KALRN: variants seen among roughly 807,000 people sequenced by gnomAD.
The protein encoded by KALRN is kalirin RhoGEF kinase.
A neutral mutation model predicts 353.7 loss-of-function variants in KALRN; 70 were observed. The ratio of observed to expected loss-of-function variants is 0.20; its 90% CI spans 0.16 to 0.24. The LOEUF (loss-of-function observed/expected upper bound fraction) is 0.24. Among genes scored for constraint, KALRN ranks in the 10% least tolerant of loss-of-function variants. The pLI, the probability that KALRN is intolerant of heterozygous loss-of-function variation, is 1.00. For synonymous variants in KALRN, 1,391 were observed against 1,434.8 expected (o/e 0.97, Z 0.69); for missense variants, 2,791 against 3,756.7 (o/e 0.74, Z 6.72).
chr3:124,412,322 T>C (rs1460761423), intron 13 of KALRN, among the ~76,000 whole-genome samples: 1 of 152,120 alleles, frequency 6.6e-6, no homozygotes, highest in East Asian at 1.9e-4. Flanking sequence ...ACCACTCAAC[T>C]AAGGCTCTGG....
At chr3:124,282,484 TCTC>T (rs781303386) in intron 5 of KALRN, among the ~76,000 whole-genome samples, 57 of 151,844 alleles carry the variant, frequency 3.8e-4, no homozygotes, top group Non-Finnish European at 7.2e-4. Flanking sequence ...TTCAAGTGAT[TCTC>T]CTGCCTCAGC....
chr3:124,661,000 T>C, intron 44 of KALRN, 27 bp downstream of exon 44: 6 of 1,532,324 alleles, frequency 3.9e-6, no homozygotes, highest in Non-Finnish European at 5.4e-6. Context: ...TAATGCTTGC[T>C]GTTCTTAGGG....
At chr3:124,413,715 A>G (rs1384996239) in intron 14 of KALRN, 50 bp downstream of exon 14, 1 of 1,472,196 alleles carries the variant, frequency 6.8e-7, no homozygotes, top group African/African-American at 1.4e-5. Flanking sequence ...GAAAACAAGC[A>G]TACCATCTAG....
Position 124,712,939 on chromosome 3 carries a change from C to T in KALRN, c.8080C>T (p.Arg2694Cys), listed in dbSNP as rs1303706054. The change falls in exon 58 of 60, where the codon CGT (arginine) becomes TGT (cysteine). Residue 2694 changes from arginine to cysteine, a missense_variant. Physicochemically the swap from Arg to Cys is radical, Grantham distance 180. This residue lies in a region of KALRN where 188 missense variants were observed against 402.9 expected (regional missense o/e 0.47). Coordinates refer to ENST00000682506, the MANE Select transcript of KALRN (RefSeq NM_001388419.1). Reference protein sequence around the residue: ...YTELNEIGRGRFSIVKKCIHK... With the variant: ...YTELNEIGRGCFSIVKKCIHK... ...CTCTCCCTTTTGTTTTTCCAGAGGCCGTTTCTCTATAGTAAAGAAATGCAT... is the reference window on the plus strand; with the variant it reads ...CTCTCCCTTTTGTTTTTCCAGAGGCTGTTTCTCTATAGTAAAGAAATGCAT... The T allele has an allele frequency of 1.2e-6, 2 of 1,610,446 alleles. No individual in the cohort carries two copies. Among genetic ancestry groups the T allele is most frequent in the Admixed American group, 1.7e-5 (1 of 59,570 alleles).
At chr3:124,299,017 A>G in intron 6 of KALRN, 104 bp downstream of exon 6, 1 of 1,442,880 alleles carries the variant, frequency 6.9e-7, no homozygotes, top group Non-Finnish European at 9.6e-7. Flanking sequence ...AGAACTGTGA[A>G]CATGCTGACC....
intron 34 of KALRN, among the ~76,000 whole-genome samples, chr3:124,627,441 A>G (rs1172942964): frequency 6.6e-6 from 1 of 152,250 alleles, no homozygotes; most frequent in African/African-American, 2.4e-5. Context: ...GGGAAGAGGA[A>G]TGGTCATTCA....
chr3:124,199,312 A>C lies in KALRN; in HGVS notation c.74-28678A>C, dbSNP rs1027797798. ...TCTCACACACTCCACACCACCCCAG[A>C]AATGCAGAAAGATCTTTCCCAATGC... On this transcript the variant is annotated intron_variant, in intron 1 of 59. Transcript: ENST00000682506. Among the ~76,000 whole-genome samples, 19 of 152,246 alleles carry C rather than the reference A, an allele frequency of 1.2e-4. No individual in the cohort carries two copies. The East Asian group carries it at 3.7e-3, about 29-fold the overall frequency.
chr3:124,217,692 C>T (rs983086779), intron 1 of KALRN, among the ~76,000 whole-genome samples: 1 of 152,106 alleles, frequency 6.6e-6, no homozygotes, highest in African/African-American at 2.4e-5. Flanking sequence ...AGCAGCCACT[C>T]CAAGTAGCAA....
intron 3 of KALRN, among the ~76,000 whole-genome samples, chr3:124,264,139 C>G (rs1042950270): frequency 6.6e-6 from 1 of 151,728 alleles, no homozygotes; most frequent in African/African-American, 2.4e-5. Context: ...ATCCAAACTC[C>G]GAAATGCTGC....
intron 1 of KALRN, among the ~76,000 whole-genome samples, chr3:124,187,739 TAA>T (rs1560181283): frequency 6.6e-6 from 1 of 152,168 alleles, no homozygotes; most frequent in Non-Finnish European, 1.5e-5. Context: ...ACAGGCCAAT[TAA>T]GTCTACAATG....
At chr3:124,685,442 A>G (rs1015083240) in intron 51 of KALRN, among the ~76,000 whole-genome samples, 1 of 152,200 alleles carries the variant, frequency 6.6e-6, no homozygotes, top group Non-Finnish European at 1.5e-5. Context: ...AAACATGTTC[A>G]GGGAGGTCAA....
At chr3:124,261,879 A>G (rs746059725) in intron 3 of KALRN, among the ~76,000 whole-genome samples, 3 of 152,226 alleles carry the variant, frequency 2.0e-5, no homozygotes, top group Non-Finnish European at 4.4e-5. Flanking sequence ...ATGCTCAGTG[A>G]GAAAACTCCT....
chr3:124,363,556 A>G (rs1368062703), intron 10 of KALRN, among the ~76,000 whole-genome samples: 4 of 152,224 alleles, frequency 2.6e-5, no homozygotes, highest in African/African-American at 9.6e-5. Flanking sequence ...AATTGCCATC[A>G]TTATTTTTCA....
chr3:124,644,688 G>A (rs753915712), intron 37 of KALRN, among the ~76,000 whole-genome samples: 2 of 152,120 alleles, frequency 1.3e-5, no homozygotes, highest in Non-Finnish European at 2.9e-5. Context: ...AGTATTCCAT[G>A]GTGTATATGT....
chr3:124,290,594 G>A (rs2076333130), intron 5 of KALRN, among the ~76,000 whole-genome samples: 1 of 152,080 alleles, frequency 6.6e-6, no homozygotes, highest in South Asian at 2.1e-4. Flanking sequence ...AGACCTCCTG[G>A]GTTTGAAACC....
intron 34 of KALRN, among the ~76,000 whole-genome samples, chr3:124,623,425 C>A (rs140100523): frequency 0.023 from 3,422 of 147,606 alleles, 69 homozygotes; most frequent in Middle Eastern, 0.12. Context: ...CACACACACA[C>A]ACAAAAGGGA....
At chr3:124,036,899 T>A (rs1215674059) in intron 1 of KALRN, among the ~76,000 whole-genome samples, 2 of 152,200 alleles carry the variant, frequency 1.3e-5, no homozygotes, top group African/African-American at 4.8e-5. Flanking sequence ...TAAGCTAGAT[T>A]CCCTAAATCT....
At position 124,632,420 on chromosome 3, in the gene KALRN, A is replaced by T. The variant is rs769832888; in HGVS notation, c.5183A>T (p.Asp1728Val). The T allele has an allele frequency of 2.2e-5, 35 of 1,613,642 alleles. No homozygotes were observed. Among genetic ancestry groups the T allele is most frequent in the Non-Finnish European group, 2.9e-5 (34 of 1,179,748 alleles). Residue 1728 changes from aspartate (D) to valine (V), a missense_variant and splice_region_variant, in exon 35 of 60, where the codon GAT becomes GTT. Around this residue, in one of 11 missense-constraint regions of KALRN, gnomAD observed 1,065 missense variants for 1,156.4 expected, o/e 0.92. Coordinates refer to ENST00000682506, the MANE Select transcript of KALRN (RefSeq NM_001388419.1). ...EMDCFFPLVKDAYSHSSSENG... is the reference protein window; with the variant it reads ...EMDCFFPLVKVAYSHSSSENG... ...GGCTGTGTCTGTCCGTTTTCCTCAG[A>T]TGCATACTCTCATTCCTCAAGCGAG...
At chr3:124,293,052 G>A (rs533569684) in intron 5 of KALRN, among the ~76,000 whole-genome samples, 5 of 152,166 alleles carry the variant, frequency 3.3e-5, no homozygotes, top group Non-Finnish European at 7.3e-5. Context: ...GAATTGACTG[G>A]GCGGCTAGTT....
Sources: gnomAD v4.1 joint callset for allele counts (sites outside exome capture counted in the v4.1 genomes callset) on GRCh38, gnomAD v4.1.1 for gene constraint, gnomAD v4.1.1 regional missense constraint, MANE v1.5 for transcripts, NCBI Gene and HGNC (gene_info 2026-07-23, HGNC 2026-07-21) for gene names.